Variants in CERS3 observed in about 807,000 individuals in gnomAD.
CERS3 encodes the protein LAG1 homolog, ceramide synthase 3.
CERS3 carries 33 observed loss-of-function variants against 50.3 expected under a neutral mutation model. That is an observed-to-expected ratio of 0.66 (90% CI 0.50 to 0.88). The LOEUF (loss-of-function observed/expected upper bound fraction) is 0.88, where lower values mean the gene tolerates loss of function less well. Among genes scored for constraint, CERS3 ranks in the 40% least tolerant of loss-of-function variants. CERS3 has a pLI of 0.00. For synonymous variants in CERS3, 176 were observed against 155.2 expected, an observed-to-expected ratio of 1.13 and a Z score of -0.99; for missense variants, 470 against 460.3, an observed-to-expected ratio of 1.02 and a Z score of -0.19.
At chr15:100,450,308 C>T (rs751916882) in intron 11 of CERS3, among the ~76,000 whole-genome samples, 25 of 150,378 alleles carry the variant, frequency 1.7e-4, no homozygotes, top group Non-Finnish European at 3.2e-4. Flanking sequence ...GTCCCAGCTA[C>T]TCAGGAGGTT....
chr15:100,502,929 G>T (rs1254642921), intron 2 of CERS3, among the ~76,000 whole-genome samples: 1 of 152,062 alleles, frequency 6.6e-6, no homozygotes, highest in African/African-American at 2.4e-5. Flanking sequence ...AACAATAAGT[G>T]GACATAAGCC....
intron 11 of CERS3, among the ~76,000 whole-genome samples, chr15:100,410,608 C>T (rs936570832): frequency 2.6e-5 from 4 of 152,166 alleles, no homozygotes; most frequent in Non-Finnish European, 2.9e-5. Context: ...GTCCCTAAAG[C>T]GATAGACGCA....
At chr15:100,452,705 A>C (rs2034215581) in intron 11 of CERS3, among the ~76,000 whole-genome samples, 1 of 152,136 alleles carries the variant, frequency 6.6e-6, no homozygotes, top group Admixed American at 6.5e-5. Context: ...AAGAATCAAC[A>C]AAATTAGAAG....
intron 10 of CERS3, among the ~76,000 whole-genome samples, chr15:100,468,845 T>C (rs574784788): frequency 6.6e-6 from 1 of 152,304 alleles, no homozygotes; most frequent in South Asian, 2.1e-4. Flanking sequence ...ACTCAAACCA[T>C]AATTAGAACC....
At chr15:100,532,043 G>C (rs906474362), upstream of CERS3, among the ~76,000 whole-genome samples, 4 of 151,394 alleles carry the variant, frequency 2.6e-5, no homozygotes, top group African/African-American at 9.7e-5. Flanking sequence ...CAAGGTTCTG[G>C]AGAGCCACTT....
intron 3 of CERS3, among the ~76,000 whole-genome samples, chr15:100,499,777 C>T (rs1054799789): frequency 6.6e-5 from 10 of 152,120 alleles, no homozygotes; most frequent in African/African-American, 2.2e-4. Flanking sequence ...TCTGTATTCC[C>T]AAGAGACATT....
intron 1 of CERS3, among the ~76,000 whole-genome samples, chr15:100,535,093 C>T (rs1475600277): frequency 1.3e-5 from 2 of 152,190 alleles, no homozygotes; most frequent in African/African-American, 4.8e-5. Flanking sequence ...TCAGGACCTC[C>T]TGAGGCTGTG....
At chr15:100,424,459 A>T (rs2587833) in intron 11 of CERS3, among the ~76,000 whole-genome samples, 1 of 152,016 alleles carries the variant, frequency 6.6e-6, no homozygotes. Context: ...CAAAATGCTC[A>T]TAGTGATAGG....
chr15:100,405,202 T>A (rs926036530), intron 11 of CERS3, among the ~76,000 whole-genome samples: 1 of 142,028 alleles, frequency 7.0e-6, no homozygotes, highest in Admixed American at 7.2e-5. Context: ...CCAATTTGTA[T>A]GCATAATAAA....
At chr15:100,467,745 TTC>T (rs55685908) in intron 10 of CERS3, among the ~76,000 whole-genome samples, 3,609 of 37,150 alleles carry the variant, frequency 0.097, 95 homozygotes, top group South Asian at 0.21. Context: ...ATTGCTATCA[TTC>T]TCTCTCTCTC....
chr15:100,501,015 G>A (rs139931090), intron 3 of CERS3, among the ~76,000 whole-genome samples: 134 of 152,170 alleles, frequency 8.8e-4, no homozygotes, highest in Non-Finnish European at 1.7e-3. Flanking sequence ...GATTATAGAT[G>A]AACATTTATC....
chr15:100,514,734 TATG>T (rs2142368713), intron 2 of CERS3, among the ~76,000 whole-genome samples: 1 of 152,280 alleles, frequency 6.6e-6, no homozygotes, highest in South Asian at 2.1e-4. Context: ...ATATGATAAA[TATG>T]ATCTCATTAT....
rs376977617 is a variant in CERS3, at chr15:100,443,908, G to A, written c.999+11985C>T. ...ATTCTATAAACTCACAAAAGGAAAC[G>A]TAGCTGACCCCAAAGATCCTAAATC... On this transcript the variant is annotated intron_variant, in intron 11 of 11. Transcript: ENST00000679737. Among the ~76,000 whole-genome samples, 421 of 152,234 alleles carry A rather than the reference G, an allele frequency of 2.8e-3. 4 individuals carry two copies. Among genetic ancestry groups the A allele is most frequent in the Non-Finnish European group, 2.2e-3 (147 of 68,004 alleles).
At chr15:100,442,211 C>T (rs1193929665) in intron 11 of CERS3, among the ~76,000 whole-genome samples, 1 of 152,180 alleles carries the variant, frequency 6.6e-6, no homozygotes, top group Non-Finnish European at 1.5e-5. Context: ...GTTCATGACT[C>T]GTTTGGCAGC....
intron 1 of CERS3, among the ~76,000 whole-genome samples, chr15:100,541,653 C>T (rs1175053825): frequency 2.0e-5 from 3 of 152,114 alleles, no homozygotes; most frequent in Non-Finnish European, 4.4e-5. Context: ...TTCAGTAAGA[C>T]AGGATGATTT....
intron 2 of CERS3, among the ~76,000 whole-genome samples, chr15:100,509,452 A>G (rs1177515385): frequency 6.6e-6 from 1 of 152,234 alleles, no homozygotes; most frequent in African/African-American, 2.4e-5. Flanking sequence ...TCTCTCAGAT[A>G]GAGGAGAGCA....
Position 100,401,543 on chromosome 15 carries a change from T to A in CERS3, c.*1170A>T, listed in dbSNP as rs1373782180. The A allele has an allele frequency of 6.6e-6, 1 of 152,320 alleles. No individual in the cohort carries two copies. The highest frequency in any genetic ancestry group is 1.9e-4 in the East Asian group (1 of 5,196). The allele number at this position is 152,320 out of a possible 1,614,324, so 9.4% of individuals were successfully genotyped here. A position where few individuals can be genotyped will look rare whatever the true frequency, so the allele number is the denominator to read the frequency against. ...CTTAAACATTTCTCAGGGGTATGCC[T>A]TTTATGGCCTTTTGTGTTGTGTTTC... On this transcript the variant is annotated 3_prime_UTR_variant, in exon 12 of 12. Transcript: ENST00000679737.
chr15:100,479,894 T>C (rs574445394), intron 6 of CERS3, 95 bp downstream of exon 6: 175 of 856,498 alleles, frequency 2.0e-4, no homozygotes, highest in African/African-American at 1.1e-3. Flanking sequence ...AAACTGGTTA[T>C]CTTATTGAAA....
chr15:100,497,306 ATGTGTGTGTGTGTG>A (rs139734142), intron 3 of CERS3, among the ~76,000 whole-genome samples: 18 of 145,864 alleles, frequency 1.2e-4, no homozygotes, highest in African/African-American at 4.3e-4. Flanking sequence ...GCATATATGT[ATGTGTGTGTGTGTG>A]TGTGTGTGTG....
Sources: allele counts gnomAD v4.1 joint callset (sites outside exome capture counted in the v4.1 genomes callset), GRCh38; gene constraint gnomAD v4.1.1; transcripts MANE v1.5; gene names NCBI Gene and HGNC (gene_info 2026-07-23, HGNC 2026-07-21).